CDYL2: variants seen among roughly 807,000 people sequenced by gnomAD.
CDYL2 encodes chromodomain Y-like protein 2.
A neutral mutation model predicts 49.4 loss-of-function variants in CDYL2; 23 were observed. The observed-to-expected ratio is 0.47, with a 90% confidence interval of 0.34 to 0.66. The LOEUF (loss-of-function observed/expected upper bound fraction) is 0.66, where lower values mean the gene tolerates loss of function less well. Ranked by LOEUF, CDYL2 falls within the 30% of genes least tolerant of loss-of-function variation. The pLI is 0.01. For missense variants in CDYL2, 678 were observed against 656.4 expected (o/e 1.03, Z -0.36); for synonymous variants, 360 against 268.8 (o/e 1.34, Z -3.32).
chr16:80,669,171 GAA>G (rs2142447548), intron 2 of CDYL2, among the ~76,000 whole-genome samples: 1 of 151,984 alleles, frequency 6.6e-6, no homozygotes, highest in East Asian at 1.9e-4. Flanking sequence ...AAGTAAAGGA[GAA>G]GAGTCAATAG....
intron 1 of CDYL2, among the ~76,000 whole-genome samples, chr16:80,722,845 C>T (rs1029340596): frequency 6.6e-6 from 1 of 152,166 alleles, no homozygotes; most frequent in Non-Finnish European, 1.5e-5. Flanking sequence ...ATACCTGGTG[C>T]CCTAAGCTTC....
chr16:80,645,905 T>C (rs1908319275), intron 2 of CDYL2, among the ~76,000 whole-genome samples: 1 of 147,738 alleles, frequency 6.8e-6, no homozygotes, highest in South Asian at 2.1e-4. Context: ...AAACACCGCA[T>C]GTTCTCACTC....
At chr16:80,759,124 ATATATATATATATATGGTT>A (rs1906433722) in intron 1 of CDYL2, among the ~76,000 whole-genome samples, 1 of 133,220 alleles carries the variant, frequency 7.5e-6, no homozygotes. Flanking sequence ...ATATATATAT[ATATATATATATATATGGTT>A]TATATAAATA....
rs1272307628 is a variant in CDYL2 at position 80,603,013 on chromosome 16, C to G, written c.*1375G>C. 6.6e-6 allele frequency: 1 copy of G among 152,226 alleles called. No homozygotes were observed. The highest frequency in any genetic ancestry group is 2.4e-5 in the African/African-American group (1 of 41,444). 9.4% of individuals were successfully genotyped at this position (152,226 alleles called of 1,614,324 possible). A position where few individuals can be genotyped will look rare whatever the true frequency, so the allele number is the denominator to read the frequency against. On this transcript the variant is annotated 3_prime_UTR_variant, in exon 7 of 7. Coordinates refer to ENST00000570137, the MANE Select transcript of CDYL2 (RefSeq NM_152342.4). ...GATGGTCTAACACAGCTGCTGGAGTCCCCTTGCAGCCCAGGGGCACAGGGG... is the reference window on the plus strand; with the variant it reads ...GATGGTCTAACACAGCTGCTGGAGTGCCCTTGCAGCCCAGGGGCACAGGGG...
chr16:80,716,924 TAGAC>T (rs1314072589), intron 1 of CDYL2, among the ~76,000 whole-genome samples: 4 of 149,454 alleles, frequency 2.7e-5, no homozygotes, highest in East Asian at 4.1e-4. Context: ...GACAGATGGA[TAGAC>T]AGATGAATGG....
chr16:80,639,320 A>T (rs1907977728), intron 2 of CDYL2, among the ~76,000 whole-genome samples: 1 of 152,236 alleles, frequency 6.6e-6, no homozygotes, highest in Non-Finnish European at 1.5e-5. Context: ...AACTAGTCTT[A>T]CCACATCAAC....
chr16:80,794,852 A>T (rs563567226), intron 1 of CDYL2, among the ~76,000 whole-genome samples: 1 of 152,160 alleles, frequency 6.6e-6, no homozygotes, highest in African/African-American at 2.4e-5. Flanking sequence ...ACCTCAGGTG[A>T]TCCGCCCATC....
intron 1 of CDYL2, among the ~76,000 whole-genome samples, chr16:80,690,278 G>A (rs1399962491): frequency 6.6e-6 from 1 of 152,064 alleles, no homozygotes; most frequent in African/African-American, 2.4e-5. Flanking sequence ...AATTTAAACT[G>A]ACAGCAAACT....
chr16:80,747,336 T>C (rs1905966327), intron 1 of CDYL2, among the ~76,000 whole-genome samples: 1 of 151,892 alleles, frequency 6.6e-6, no homozygotes, highest in Non-Finnish European at 1.5e-5. Context: ...GGGTAGGTAT[T>C]TAACCTCTCC....
At chr16:80,629,161 T>C (rs761885264) in intron 3 of CDYL2, among the ~76,000 whole-genome samples, 1 of 151,846 alleles carries the variant, frequency 6.6e-6, no homozygotes, top group Non-Finnish European at 1.5e-5. Flanking sequence ...ACACATTTGG[T>C]TGGGGAGGGG....
chr16:80,767,720 T>C (rs1212507855), intron 1 of CDYL2, among the ~76,000 whole-genome samples: 2 of 152,332 alleles, frequency 1.3e-5, no homozygotes, highest in East Asian at 1.9e-4. Context: ...TGCTGGAGAA[T>C]GCAACTGAAA....
At chr16:80,610,588 C>CA (rs112879311) in intron 5 of CDYL2, among the ~76,000 whole-genome samples, 51,582 of 151,892 alleles carry the variant, frequency 0.34, 10,631 homozygotes, top group African/African-American at 0.58. Context: ...ATAAAATTAA[C>CA]AAAAAACCCA....
intron 4 of CDYL2, 23 bp downstream of exon 4, chr16:80,620,740 G>A (rs1311120936): frequency 3.8e-6 from 6 of 1,559,506 alleles, no homozygotes; most frequent in Admixed American, 3.7e-5. Flanking sequence ...ACCCCAGGGT[G>A]TGTGAAAAGG....
intron 1 of CDYL2, among the ~76,000 whole-genome samples, chr16:80,734,317 G>A (rs955103977): frequency 2.6e-5 from 4 of 152,110 alleles, no homozygotes; most frequent in African/African-American, 9.7e-5. Context: ...GTAGGACTTC[G>A]GGGTCATAAT....
chr16:80,661,785 C>A (rs1482329962), intron 2 of CDYL2, among the ~76,000 whole-genome samples: 1 of 152,196 alleles, frequency 6.6e-6, no homozygotes, highest in East Asian at 1.9e-4. Context: ...GAGCTCATTT[C>A]ACTATGTTAT....
At chr16:80,786,011 T>TAGA (rs1907423356) in intron 1 of CDYL2, among the ~76,000 whole-genome samples, 3 of 152,166 alleles carry the variant, frequency 2.0e-5, no homozygotes, top group Admixed American at 2.0e-4. Flanking sequence ...ATAAAAATCC[T>TAGA]AGAAGAAAAC....
chr16:80,741,088 C>T (rs1167203613), intron 1 of CDYL2, among the ~76,000 whole-genome samples: 3 of 150,518 alleles, frequency 2.0e-5, no homozygotes. Context: ...AAAAATAAAG[C>T]TACAATAAGG....
intron 1 of CDYL2, among the ~76,000 whole-genome samples, chr16:80,746,755 G>A (rs1390747597): frequency 6.6e-6 from 1 of 152,148 alleles, no homozygotes; most frequent in East Asian, 1.9e-4. Context: ...AGGTTCTCCA[G>A]CAATATGGCA....
chr16:80,722,407 G>A (rs1035274772), intron 1 of CDYL2, among the ~76,000 whole-genome samples: 1 of 152,094 alleles, frequency 6.6e-6, no homozygotes, highest in African/African-American at 2.4e-5. Context: ...CAAACACACT[G>A]CTGAGTCCTG....
Sources: allele counts gnomAD v4.1 joint callset (sites outside exome capture counted in the v4.1 genomes callset), GRCh38; gene constraint gnomAD v4.1.1; transcripts MANE v1.5; gene names NCBI Gene and HGNC (gene_info 2026-07-23, HGNC 2026-07-21).